Variants in OR4E2 observed in about 807,000 individuals in gnomAD.
The protein encoded by OR4E2 is olfactory receptor family 4 subfamily E member 2.
OR4E2 carries 9 observed loss-of-function variants against 11.0 expected under a neutral mutation model. That is an observed-to-expected ratio of 0.82 (90% CI 0.49 to 1.43). The LOEUF is 1.43. Ranked by LOEUF, OR4E2 falls within the 40% of genes most tolerant of loss-of-function variation. The pLI is 0.00. For synonymous variants in OR4E2, 159 were observed against 147.3 expected (o/e 1.08, Z -0.57); for missense variants, 441 against 382.0 (o/e 1.15, Z -1.29).
intron 3 of OR4E2, among the ~76,000 whole-genome samples, chr14:21,662,987 T>A (rs1038168767): frequency 9.2e-5 from 14 of 152,204 alleles, no homozygotes; most frequent in African/African-American, 3.4e-4. Context: ...ATTTATACAA[T>A]AATATCATAT....
chr14:21,661,678 CT>C (rs1252151824), intron 3 of OR4E2, among the ~76,000 whole-genome samples: 2 of 152,170 alleles, frequency 1.3e-5, no homozygotes, highest in African/African-American at 4.8e-5. Context: ...GAACCACTGC[CT>C]TAGGTTATAC....
At chr14:21,659,522 C>A (rs1449032244) in intron 2 of OR4E2, among the ~76,000 whole-genome samples, 3 of 150,554 alleles carry the variant, frequency 2.0e-5, no homozygotes, top group Non-Finnish European at 4.5e-5. Flanking sequence ...TGGTTAAGAA[C>A]GTAGGCTCTG....
chr14:21,655,657 A>T (rs1879901286), intron 1 of OR4E2, among the ~76,000 whole-genome samples: 1 of 152,182 alleles, frequency 6.6e-6, no homozygotes, highest in African/African-American at 2.4e-5. Flanking sequence ...TGGGTGACAG[A>T]GCAAGACTCT....
At chr14:21,659,665 T>C (rs917411336) in intron 2 of OR4E2, among the ~76,000 whole-genome samples, 6 of 152,244 alleles carry the variant, frequency 3.9e-5, no homozygotes, top group Non-Finnish European at 7.3e-5. Flanking sequence ...AACTCATTTC[T>C]AGTAATCTAT....
chr14:21,665,711 G>A lies in OR4E2; in HGVS notation c.629G>A (p.Cys210Tyr). The part of the protein sequence containing the change: ...VTNSGTISLS[C>Y]FLAVVTSYMV... ...AATAGTGGAACCATCTCCCTCTCCT[G>A]TTTCTTGGCCGTGGTCACCTCCTAT... The change falls in exon 4 of 4, where the codon TGT (cysteine) becomes TAT (tyrosine). Residue 210 changes from cysteine (C) to tyrosine (Y), a missense_variant. Physicochemically the swap from Cys to Tyr is radical, Grantham distance 194 (BLOSUM62 -2). Coordinates refer to ENST00000641524, the MANE Select transcript of OR4E2 (RefSeq NM_001001912.3). The A allele has an allele frequency of 6.2e-7, 1 of 1,614,130 alleles. No individual in the cohort carries two copies. Among genetic ancestry groups the A allele is most frequent in the South Asian group, 1.1e-5 (1 of 91,082 alleles).
chr14:21,665,372 G>A lies in OR4E2; in HGVS notation c.290G>A (p.Cys97Tyr), dbSNP rs1163074251. The part of the protein sequence containing the change: ...LERKTISFDN[C>Y]ITQLFFLHLF... ...AGAAAGACCATTTCCTTTGACAACTGCATCACACAGCTCTTCTTCCTACAT... is the reference window on the plus strand; with the variant it reads ...AGAAAGACCATTTCCTTTGACAACTACATCACACAGCTCTTCTTCCTACAT... Residue 97 changes from cysteine to tyrosine, a missense_variant, in exon 4 of 4, where the codon TGC (cysteine) becomes TAC (tyrosine). Coordinates refer to ENST00000641524, the MANE Select transcript of OR4E2 (RefSeq NM_001001912.3). 1 of 1,614,062 alleles carries A rather than the reference G, an allele frequency of 6.2e-7. No individual in the cohort carries two copies. The highest frequency in any genetic ancestry group is 1.3e-5 in the African/African-American group (1 of 75,010).
In OR4E2 at chr14:21,665,465, C is replaced by T; in HGVS notation, c.383C>T (p.Thr128Ile). The stretch of plus-strand genomic sequence containing the variant: ...TATGATCGTTACGTGGCTATCTGCA[C>T]TCCACTCCACTACCCCAATGTGATG... ...MAYDRYVAIC[T>I]PLHYPNVMNM... The change falls in exon 4 of 4, where the codon ACT becomes ATT. Residue 128 changes from threonine (T) to isoleucine (I), a missense_variant. Physicochemically the swap from Thr to Ile is moderately conservative, Grantham distance 89. Coordinates refer to ENST00000641524, the MANE Select transcript of OR4E2 (RefSeq NM_001001912.3). The T allele has an allele frequency of 6.2e-7, 1 of 1,613,836 alleles. No individual in the cohort carries two copies. Among genetic ancestry groups the T allele is most frequent in the Non-Finnish European group, 8.5e-7 (1 of 1,179,832 alleles).
intron 2 of OR4E2, among the ~76,000 whole-genome samples, chr14:21,657,445 TTCCTTCCTTCCTTCCTTCC>T (rs1566582011): frequency 2.2e-3 from 8 of 3,596 alleles, no homozygotes; most frequent in African/African-American, 6.1e-3. Flanking sequence ...CTTTCTTTCC[TTCCTTCCTTCCTTCCTTCC>T]TTCCTTCCTT....
chr14:21,661,979 C>G (rs1220262106), intron 3 of OR4E2, among the ~76,000 whole-genome samples: 1 of 152,108 alleles, frequency 6.6e-6, no homozygotes, highest in East Asian at 1.9e-4. Flanking sequence ...CTCAATAATA[C>G]CTACTTCTAG....
chr14:21,661,137 G>A (rs889289720), intron 3 of OR4E2, among the ~76,000 whole-genome samples: 5 of 152,050 alleles, frequency 3.3e-5, no homozygotes, highest in Admixed American at 2.0e-4. Flanking sequence ...GAATTATAAT[G>A]TAAAAATTAA....
chr14:21,662,142 A>AT (rs76322132), intron 3 of OR4E2, among the ~76,000 whole-genome samples: 120,818 of 152,004 alleles, frequency 0.79, 48,239 homozygotes, highest in Non-Finnish European at 0.83. Flanking sequence ...ACTTAAGTAT[A>AT]TCTTTGCTCA....
chr14:21,657,391 T>A (rs1363324666), intron 2 of OR4E2, among the ~76,000 whole-genome samples: 1 of 136,456 alleles, frequency 7.3e-6, no homozygotes, highest in Non-Finnish European at 1.6e-5. Context: ...CCTTCCTTTC[T>A]TTCTTCCTTC....
At chr14:21,659,411 G>C (rs955762138) in intron 2 of OR4E2, among the ~76,000 whole-genome samples, 5 of 152,118 alleles carry the variant, frequency 3.3e-5, no homozygotes, top group African/African-American at 9.7e-5. Context: ...TTTGCTCTGT[G>C]GATAGAAAAA....
In OR4E2 at chr14:21,657,386, C is replaced by CTT. The variant is rs1555338220; in HGVS notation, c.-103+799_-103+800dup. On this transcript the variant is annotated intron_variant, in intron 2 of 3. Transcript: ENST00000641524. ...CCTTCCTTCCTTCCTTCCTTCCTTCCTTTCTTTCTTCCTTCCTTCCTTTCT... is the reference window on the plus strand; with the variant it reads ...CCTTCCTTCCTTCCTTCCTTCCTTCCTTTTTCTTTCTTCCTTCCTTCCTTTCT... Among the ~76,000 whole-genome samples the CTT allele has an allele frequency of 3.3e-4, 40 of 120,288 alleles. 1 individual carries two copies. Among genetic ancestry groups the CTT allele is most frequent in the Non-Finnish European group, 6.4e-4 (35 of 54,764 alleles). The allele number at this position is 120,288 out of a possible 152,430, so 78.9% of individuals were successfully genotyped here.
At position 21,658,824 on chromosome 14, in the gene OR4E2, G is replaced by A. The variant is rs561773899; in HGVS notation, c.-102-1829G>A. Among the ~76,000 whole-genome samples, 8 of 151,692 alleles carry A rather than the reference G, an allele frequency of 5.3e-5. No homozygotes were observed. In the Middle Eastern group the frequency reaches 0.02, roughly 387 times the overall value. On this transcript the variant is annotated intron_variant, in intron 2 of 3. Coordinates refer to ENST00000641524, the MANE Select transcript of OR4E2 (RefSeq NM_001001912.3). Reference sequence around the variant, plus strand: ...TGACCTTCAGTTTTTTTTTTTAAATGAAGAATTCTAATATACGCAGTATAC... The same window carrying A: ...TGACCTTCAGTTTTTTTTTTTAAATAAAGAATTCTAATATACGCAGTATAC...
chr14:21,660,565 A>C (rs1464585041), intron 2 of OR4E2, 88 bp from the exon 3 acceptor site: 2 of 152,208 alleles, frequency 1.3e-5, no homozygotes, highest in East Asian at 3.9e-4. Context: ...TAAAGACTTC[A>C]CTTACAATGT....
chr14:21,665,098 C>A lies in OR4E2; in HGVS notation c.16C>A (p.Gln6Lys), dbSNP rs765478170. Reference sequence around the variant, plus strand: ...AGCTCATTGAATGGACAGTCTAAACCAAACAAGAGTGACTGAATTTGTCTT... The same window carrying A: ...AGCTCATTGAATGGACAGTCTAAACAAAACAAGAGTGACTGAATTTGTCTT... Reference protein sequence around the residue: MDSLNQTRVTEFVFLG... With the variant: MDSLNKTRVTEFVFLG... Residue 6 changes from glutamine to lysine, a missense_variant, in exon 4 of 4, where the codon CAA becomes AAA. Physicochemically the swap from Gln to Lys is moderately conservative, Grantham distance 53 (BLOSUM62 1). Transcript: ENST00000641524. 2 of 1,608,446 alleles carry A rather than the reference C, an allele frequency of 1.2e-6. No homozygotes were observed. The highest frequency in any genetic ancestry group is 3.3e-5 in the Admixed American group (2 of 59,836).
intron 3 of OR4E2, among the ~76,000 whole-genome samples, chr14:21,662,838 T>G (rs1255365956): frequency 1.3e-5 from 2 of 152,182 alleles, no homozygotes; most frequent in Non-Finnish European, 2.9e-5. Flanking sequence ...TTTAGCTTTT[T>G]TCATAGTTTG....
intron 1 of OR4E2, among the ~76,000 whole-genome samples, chr14:21,655,740 C>T (rs973278783): frequency 2.6e-5 from 4 of 151,908 alleles, no homozygotes; most frequent in African/African-American, 9.7e-5. Flanking sequence ...AGTTATATCC[C>T]CTAAAAGTGT....
Sources: allele counts gnomAD v4.1 joint callset (sites outside exome capture counted in the v4.1 genomes callset), GRCh38; gene constraint gnomAD v4.1.1; transcripts MANE v1.5; gene names NCBI Gene and HGNC (gene_info 2026-07-23, HGNC 2026-07-21).